The following HK1 variants were observed in gnomAD, a reference collection of about 807,000 sequenced individuals.
HK1 encodes the protein hexokinase 1, also known as hexokinase-1.
A neutral mutation model predicts 91.6 loss-of-function variants in HK1; 28 were observed. That is an observed-to-expected ratio of 0.31 (90% CI 0.23 to 0.42). HK1 has a LOEUF of 0.42. Ranked by LOEUF, HK1 falls within the 10% of genes least tolerant of loss-of-function variation. The pLI, the probability that HK1 is intolerant of heterozygous loss-of-function variation, is 1.00. For synonymous variants in HK1, 430 were observed against 468.1 expected, an observed-to-expected ratio of 0.92 and a Z score of 1.05; for missense variants, 770 against 1,219.8, an observed-to-expected ratio of 0.63 and a Z score of 5.49.
intron 4 of HK1, among the ~76,000 whole-genome samples, chr10:69,298,318 A>T (rs1845672525): frequency 6.6e-6 from 1 of 151,870 alleles, no homozygotes; most frequent in Non-Finnish European, 1.5e-5. Flanking sequence ...GTGGTTTTAA[A>T]AGATTTCTGC....
At chr10:69,376,826 G>C in intron 7 of HK1, 108 bp from the exon 8 acceptor site, 1 of 1,365,886 alleles carries the variant, frequency 7.3e-7, no homozygotes, top group Non-Finnish European at 1.0e-6. Flanking sequence ...GAGGCTGGGG[G>C]CTGGTGAGGG....
chr10:69,317,569 G>C (rs1294295440), upstream of HK1, among the ~76,000 whole-genome samples: 1 of 152,072 alleles, frequency 6.6e-6, no homozygotes, highest in Non-Finnish European at 1.5e-5. Context: ...TGGATCTCAG[G>C]GCACCATATG....
At chr10:69,292,455 C>T (rs1445761518) in intron 3 of HK1, 3 of 335,306 alleles carry the variant, frequency 8.9e-6, no homozygotes, top group South Asian at 2.3e-5. Context: ...ACATGGATTA[C>T]CCCTGATTCT....
intron 1 of HK1, among the ~76,000 whole-genome samples, chr10:69,332,896 CAGAGCCCTGAG>C (rs1847808087): frequency 2.0e-5 from 3 of 152,126 alleles, no homozygotes. Flanking sequence ...AGGCAGACAA[CAGAGCCCTGAG>C]CCTGGGCAGG....
intron 8 of HK1, among the ~76,000 whole-genome samples, chr10:69,377,373 C>A (rs1273956878): frequency 6.6e-6 from 1 of 151,758 alleles, no homozygotes; most frequent in Non-Finnish European, 1.5e-5. Context: ...AGCCCATCAC[C>A]CCCACCCTCC....
intron 7 of HK1, among the ~76,000 whole-genome samples, chr10:69,372,746 T>A (rs560751231): frequency 1.3e-5 from 2 of 152,140 alleles, no homozygotes; most frequent in South Asian, 4.2e-4. Context: ...AGCGGTCTTT[T>A]AAAAAAAATA....
chr10:69,392,362 G>A, intron 15 of HK1, 54 bp downstream of exon 15: 20 of 1,585,650 alleles, frequency 1.3e-5, no homozygotes, highest in Non-Finnish European at 1.7e-5. Flanking sequence ...GCAGCACTTG[G>A]CTGCATTCTG....
At chr10:69,381,125 C>G (rs1348195820) in intron 9 of HK1, among the ~76,000 whole-genome samples, 1 of 151,614 alleles carries the variant, frequency 6.6e-6, no homozygotes, top group Admixed American at 6.6e-5. Context: ...CAATGTGGCT[C>G]TACAAAAAAT....
In HK1 at chr10:69,398,603, T is replaced by C; in HGVS notation, c.2384T>C (p.Leu795Ser). ...GCTCTTGTCCCCCACAGTGACCGATTAGCACTGCTCCAGGTCCGGGCTATC... is the reference window on the plus strand; with the variant it reads ...GCTCTTGTCCCCCACAGTGACCGATCAGCACTGCTCCAGGTCCGGGCTATC... ...KFLSQIESDR[L>S]ALLQVRAILQ... The change falls in exon 17 of 18, where the codon TTA (leucine) becomes TCA (serine). Residue 795 changes from leucine to serine, a missense_variant. Physicochemically the swap from Leu to Ser is moderately radical, Grantham distance 145. Coordinates refer to ENST00000359426, the MANE Select transcript of HK1 (RefSeq NM_000188.3). 1 of 1,613,398 alleles carries C rather than the reference T, an allele frequency of 6.2e-7. No individual in the cohort carries two copies. The highest frequency in any genetic ancestry group is 8.5e-7 in the Non-Finnish European group (1 of 1,179,698).
rs764841583 is a variant in HK1 at position 69,359,987 on chromosome 10, A to G, written c.317A>G (p.His106Arg). ...QVNHEKNQNV[H>R]MESEVYDTPE... Reference sequence around the variant, plus strand: ...AATCATGAGAAAAACCAGAATGTTCACATGGAGTCCGAGGTTTATGACACC... The same window carrying G: ...AATCATGAGAAAAACCAGAATGTTCGCATGGAGTCCGAGGTTTATGACACC... Residue 106 changes from histidine to arginine, a missense_variant, in exon 3 of 18, where the codon CAC (histidine) becomes CGC (arginine). By Grantham distance (29) the His-to-Arg change is conservative (BLOSUM62 0). Coordinates refer to ENST00000359426, the MANE Select transcript of HK1 (RefSeq NM_000188.3). The G allele has an allele frequency of 2.5e-6, 4 of 1,614,142 alleles. No homozygotes were observed. The South Asian group carries it at 4.4e-5, about 18-fold the overall frequency.
intron 12 of HK1, among the ~76,000 whole-genome samples, chr10:69,385,503 C>T (rs1867973): frequency 0.23 from 35,337 of 152,096 alleles, 4,582 homozygotes; most frequent in East Asian, 0.46. Flanking sequence ...GCTGTCAGGG[C>T]TGGGGAGTGG....
chr10:69,382,384 G>A (rs1188923558), intron 9 of HK1, 103 bp from the exon 10 acceptor site: 1 of 1,273,990 alleles, frequency 7.8e-7, no homozygotes, highest in South Asian at 1.2e-5. Context: ...CAAAAAAAAG[G>A]AAAAGAAAAA....
At chr10:69,338,550 G>A (rs1327887603) in intron 1 of HK1, 6 of 1,289,734 alleles carry the variant, frequency 4.7e-6, no homozygotes, top group Non-Finnish European at 6.1e-6. Context: ...GGTGCTGTGC[G>A]GTGTCCTCCC....
At chr10:69,388,546 A>ATG (rs1839753202) in intron 13 of HK1, among the ~76,000 whole-genome samples, 1 of 152,140 alleles carries the variant, frequency 6.6e-6, no homozygotes, top group East Asian at 1.9e-4. Flanking sequence ...CAACACACAC[A>ATG]CACACACTCA....
At chr10:69,330,162 A>C (rs150965326) in intron 1 of HK1, among the ~76,000 whole-genome samples, 1 of 151,898 alleles carries the variant, frequency 6.6e-6, no homozygotes, top group Non-Finnish European at 1.5e-5. Flanking sequence ...CAGCCATGTT[A>C]TTCACCCAGA....
At chr10:69,322,212 A>G (rs1330134935) in intron 1 of HK1, among the ~76,000 whole-genome samples, 2 of 152,226 alleles carry the variant, frequency 1.3e-5, no homozygotes, top group Non-Finnish European at 2.9e-5. Flanking sequence ...AATGGTGAGC[A>G]AATGCCAGTG....
chr10:69,394,934 C>T lies in HK1; in HGVS notation c.2220-16C>T, dbSNP rs1300876174. 1.9e-6 allele frequency: 3 copies of T among 1,613,938 alleles called. No individual in the cohort carries two copies. Among genetic ancestry groups the T allele is most frequent in the Admixed American group, 1.7e-5 (1 of 60,018 alleles). On this transcript the variant is annotated splice_polypyrimidine_tract_variant and intron_variant, in intron 15 of 17. Transcript: ENST00000359426. ...CCACTTCCCATAGACACCCCAGGCCCCTCCTCCTGTCTCAGGTATGAGAAG... is the reference window on the plus strand; with the variant it reads ...CCACTTCCCATAGACACCCCAGGCCTCTCCTCCTGTCTCAGGTATGAGAAG...
chr10:69,315,898 C>A (rs548743273), upstream of HK1: 11 of 1,554,094 alleles, frequency 7.1e-6, no homozygotes, highest in South Asian at 1.2e-4. Context: ...GCAAGATGGC[C>A]CACCTGTGGC....
In HK1 at chr10:69,398,628, C is replaced by G; in HGVS notation, c.2409C>G (p.Ile803Met). The G allele has an allele frequency of 6.2e-7, 1 of 1,613,996 alleles. No individual in the cohort carries two copies. The stretch of plus-strand genomic sequence containing the variant: ...TAGCACTGCTCCAGGTCCGGGCTAT[C>G]CTCCAGCAGCTAGGTCTGAATAGCA... ...DRLALLQVRAILQQLGLNSTC... is the reference protein window; with the variant it reads ...DRLALLQVRAMLQQLGLNSTC... Residue 803 changes from isoleucine (I) to methionine (M), a missense_variant, in exon 17 of 18, where the codon ATC becomes ATG. Ile to Met is a conservative substitution (Grantham distance 10). Transcript: ENST00000359426.
Sources: allele counts gnomAD v4.1 joint callset (sites outside exome capture counted in the v4.1 genomes callset), GRCh38; gene constraint gnomAD v4.1.1; transcripts MANE v1.5; gene names NCBI Gene and HGNC (gene_info 2026-07-23, HGNC 2026-07-21).